Variants in RIMS2 observed in about 807,000 individuals in gnomAD.
RIMS2 encodes the protein regulating synaptic membrane exocytosis protein 2.
RIMS2 carries 59 observed loss-of-function variants against 174.4 expected under a neutral mutation model. The observed-to-expected ratio is 0.34, with a 90% CI of 0.27 to 0.42. The LOEUF (loss-of-function observed/expected upper bound fraction) is 0.42. Ranked by LOEUF, RIMS2 falls within the 10% of genes least tolerant of loss-of-function variation. The probability of loss-of-function intolerance (pLI) is 1.00; values close to 1 mark genes in which losing one functional copy is unlikely to be tolerated. For synonymous variants in RIMS2, 606 were observed against 572.5 expected, an observed-to-expected ratio of 1.06 and a Z score of -0.84; for missense variants, 1,620 against 1,666.3, an observed-to-expected ratio of 0.97 and a Z score of 0.48.
intron 4 of RIMS2, among the ~76,000 whole-genome samples, chr8:103,900,667 C>G (rs1272914923): frequency 2.0e-5 from 3 of 152,112 alleles, no homozygotes; most frequent in Non-Finnish European, 2.9e-5. Flanking sequence ...GTGTCACTGT[C>G]AACTAGGTAC....
intron 3 of RIMS2, among the ~76,000 whole-genome samples, chr8:103,835,732 A>G (rs1057379080): frequency 6.6e-6 from 1 of 152,148 alleles, no homozygotes; most frequent in Non-Finnish European, 1.5e-5. Context: ...CTTCACTTTC[A>G]TTCTTTATAA....
In RIMS2 at chr8:104,081,779, C is replaced by T. The variant is rs12678941; in HGVS notation, c.3334+67164C>T. 9.9e-5 allele frequency among the ~76,000 whole-genome samples: 15 copies of T among 152,146 alleles called. No individual in the cohort carries two copies. The East Asian group carries it at 2.9e-3, about 29-fold the overall frequency. On this transcript the variant is annotated intron_variant, in intron 19 of 23. Coordinates refer to ENST00000504942, the Ensembl canonical transcript of RIMS2. ...AAATGAGAAAGCTAGATTACATTCT[C>T]TCTGAGGTATCTTTTAGCTTTAAAA...
At position 103,622,186 on chromosome 8, in the gene RIMS2, G is replaced by C. The variant is rs73284466; in HGVS notation, c.177-74900G>C. On this transcript the variant is annotated intron_variant, in intron 1 of 23. Coordinates refer to ENST00000504942, the Ensembl canonical transcript of RIMS2. ...AAGAAAAAATACTTTTGCTATAGTG[G>C]ATTATAAGAATTTATAATTTTAAGT... 9.1e-4 allele frequency among the ~76,000 whole-genome samples: 138 copies of C among 152,176 alleles called. 1 individual carries two copies. The highest frequency in any genetic ancestry group is 3.0e-3 in the African/African-American group (124 of 41,554).
chr8:103,895,219 A>C (rs1445423428), intron 4 of RIMS2, among the ~76,000 whole-genome samples: 1 of 141,126 alleles, frequency 7.1e-6, no homozygotes, highest in Non-Finnish European at 1.5e-5. Flanking sequence ...TAGCTGCTTT[A>C]AAATCTTTGT....
intron 17 of RIMS2, among the ~76,000 whole-genome samples, chr8:103,992,262 C>G (rs2094757714): frequency 6.7e-6 from 1 of 148,380 alleles, no homozygotes; most frequent in African/African-American, 2.5e-5. Context: ...GCATGTGCCA[C>G]CATGTCCAGC....
intron 2 of RIMS2, among the ~76,000 whole-genome samples, chr8:103,755,424 G>A (rs184012227): frequency 3.3e-5 from 5 of 152,072 alleles, no homozygotes; most frequent in Admixed American, 6.5e-5. Flanking sequence ...TGCTCTTCTC[G>A]AGCAGTATCT....
At chr8:104,001,338 A>G (rs531407949) in intron 17 of RIMS2, among the ~76,000 whole-genome samples, 25 of 152,118 alleles carry the variant, frequency 1.6e-4, no homozygotes, top group African/African-American at 6.0e-4. Context: ...TCAAAATGTA[A>G]CAGTACCCCA....
Position 103,951,397 on chromosome 8 carries a change from C to T in RIMS2, c.2701+8471C>T, listed in dbSNP as rs574468952. On this transcript the variant is annotated intron_variant, in intron 14 of 23. Coordinates refer to ENST00000504942, the Ensembl canonical transcript of RIMS2. ...CAGAAGGCGGGTGATTTCTGCATTTCCAACTGAGGTACCCAGTTCATCTCA... is the reference window on the plus strand; with the variant it reads ...CAGAAGGCGGGTGATTTCTGCATTTTCAACTGAGGTACCCAGTTCATCTCA... 4.6e-5 allele frequency among the ~76,000 whole-genome samples: 7 copies of T among 152,288 alleles called. No individual in the cohort carries two copies. The South Asian group carries it at 1.5e-3, about 32-fold the overall frequency.
chr8:104,134,099 G>A (rs1043880585), intron 19 of RIMS2, among the ~76,000 whole-genome samples: 27 of 151,950 alleles, frequency 1.8e-4, no homozygotes, highest in African/African-American at 5.8e-4. Flanking sequence ...AAAAGTTTGT[G>A]AAAAAATGGA....
chr8:103,832,925 T>C (rs2098835006), intron 3 of RIMS2, among the ~76,000 whole-genome samples: 1 of 152,188 alleles, frequency 6.6e-6, no homozygotes, highest in Non-Finnish European at 1.5e-5. Flanking sequence ...AGTAGTCTTT[T>C]ACATTTATTC....
intron 3 of RIMS2, among the ~76,000 whole-genome samples, chr8:103,833,459 G>A (rs2098838433): frequency 6.6e-6 from 1 of 151,852 alleles, no homozygotes; most frequent in Non-Finnish European, 1.5e-5. Context: ...GGCCATTGTT[G>A]TAGCATTTAT....
intron 19 of RIMS2, among the ~76,000 whole-genome samples, chr8:104,061,620 A>G (rs2096991929): frequency 6.7e-6 from 1 of 148,892 alleles, no homozygotes; most frequent in South Asian, 2.1e-4. Flanking sequence ...TTATATGTAT[A>G]TATATTTTTA....
At chr8:103,521,197 A>G (rs1831498830) in intron 1 of RIMS2, among the ~76,000 whole-genome samples, 1 of 151,748 alleles carries the variant, frequency 6.6e-6, no homozygotes, top group South Asian at 2.1e-4. Context: ...ATGAGGAGTT[A>G]ATGGGTGCAG....
chr8:103,830,182 T>C (rs1332523112), intron 3 of RIMS2, among the ~76,000 whole-genome samples: 2 of 152,054 alleles, frequency 1.3e-5, no homozygotes, highest in African/African-American at 2.4e-5. Flanking sequence ...TCTTTTTCTT[T>C]TGATTTTGTT....
At chr8:103,670,242 C>T (rs2096728340) in intron 1 of RIMS2, among the ~76,000 whole-genome samples, 1 of 152,202 alleles carries the variant, frequency 6.6e-6, no homozygotes, top group African/African-American at 2.4e-5. Context: ...GCACGAAGAC[C>T]CTAGGCTGCA....
intron 1 of RIMS2, among the ~76,000 whole-genome samples, chr8:103,668,684 G>GTATT (rs977171231): frequency 5.3e-5 from 6 of 112,756 alleles, no homozygotes; most frequent in Admixed American, 4.7e-4. Flanking sequence ...ATTTATTTAT[G>GTATT]TATTTATTTA....
At chr8:103,812,681 C>T (rs147048351) in intron 3 of RIMS2, among the ~76,000 whole-genome samples, 1 of 152,190 alleles carries the variant, frequency 6.6e-6, no homozygotes, top group East Asian at 1.9e-4. Flanking sequence ...CATGCCAGGC[C>T]CAAATTACCT....
At chr8:104,072,171 C>T (rs1340172532) in intron 19 of RIMS2, among the ~76,000 whole-genome samples, 1 of 152,146 alleles carries the variant, frequency 6.6e-6, no homozygotes, top group Non-Finnish European at 1.5e-5. Flanking sequence ...ATCTGAGGTT[C>T]ATCTTCCTCT....
chr8:103,813,429 T>C (rs2098701015), intron 3 of RIMS2, among the ~76,000 whole-genome samples: 1 of 152,072 alleles, frequency 6.6e-6, no homozygotes, highest in African/African-American at 2.4e-5. Flanking sequence ...ATACTTTAAG[T>C]TCTAGGGTAC....
Sources: allele counts gnomAD v4.1 joint callset (sites outside exome capture counted in the v4.1 genomes callset), GRCh38; gene constraint gnomAD v4.1.1; transcripts MANE v1.5; gene names NCBI Gene and HGNC (gene_info 2026-07-23, HGNC 2026-07-21).